CDH20: variants seen among roughly 807,000 people sequenced by gnomAD.
The protein encoded by CDH20 is cadherin 20, also known as cadherin-20.
Under a neutral mutation model 74.2 loss-of-function variants are expected in CDH20, and 29 were observed. That is an observed-to-expected ratio of 0.39 (90% CI 0.29 to 0.53). CDH20 has a LOEUF of 0.53. Among genes scored for constraint, CDH20 ranks in the 20% least tolerant of loss-of-function variants. The pLI is 0.69. For synonymous variants in CDH20, 469 were observed against 405.4 expected (o/e 1.16, Z -1.88); for missense variants, 988 against 1,048.3 (o/e 0.94, Z 0.79).
chr18:61,482,593 C>T (rs1910625564), intron 1 of CDH20, among the ~76,000 whole-genome samples: 1 of 152,164 alleles, frequency 6.6e-6, no homozygotes, highest in African/African-American at 2.4e-5. Flanking sequence ...TTTTTCTTTA[C>T]ACATATATGG....
intron 1 of CDH20, among the ~76,000 whole-genome samples, chr18:61,335,151 A>G (rs1387770226): frequency 6.6e-6 from 1 of 152,158 alleles, no homozygotes; most frequent in East Asian, 1.9e-4. Context: ...CTGGCTGGGG[A>G]ACCCTGAAGG....
chr18:61,336,054 G>A (rs1909748624), intron 1 of CDH20, among the ~76,000 whole-genome samples: 1 of 152,232 alleles, frequency 6.6e-6, no homozygotes, highest in Admixed American at 6.5e-5. Context: ...ACTGTAGTAA[G>A]TGCTGAGGGT....
At position 61,503,135 on chromosome 18, in the gene CDH20, C is replaced by G. The variant is rs1468437193; in HGVS notation, c.829+15C>G. ...CTTTCCCCAGAGTGAGTACCTAACCCAAGAGAGCACAGACCTCGGGCCCAG... is the reference window on the plus strand; with the variant it reads ...CTTTCCCCAGAGTGAGTACCTAACCGAAGAGAGCACAGACCTCGGGCCCAG... On this transcript the variant is annotated intron_variant, in intron 5 of 11. Coordinates refer to ENST00000262717, the MANE Select transcript of CDH20 (RefSeq NM_031891.4). The G allele has an allele frequency of 6.3e-7, 1 of 1,577,176 alleles. No homozygotes were observed. Among genetic ancestry groups the G allele is most frequent in the Non-Finnish European group, 8.6e-7 (1 of 1,162,230 alleles).
intron 1 of CDH20, among the ~76,000 whole-genome samples, chr18:61,474,817 C>T (rs566069910): frequency 4.0e-4 from 61 of 152,110 alleles, no homozygotes; most frequent in Middle Eastern, 3.4e-3. Flanking sequence ...AAGACAGGCC[C>T]GGGGATCAAT....
At chr18:61,405,055 T>A in intron 1 of CDH20, 1 of 683,922 alleles carries the variant, frequency 1.5e-6, no homozygotes, top group Non-Finnish European at 2.7e-6. Flanking sequence ...GTTGGACAGT[T>A]GTTACAGAGA....
At chr18:61,536,024 C>T (rs946329861) in intron 7 of CDH20, among the ~76,000 whole-genome samples, 2 of 152,152 alleles carry the variant, frequency 1.3e-5, no homozygotes, top group Non-Finnish European at 2.9e-5. Flanking sequence ...TGGTACAAGG[C>T]TTCTTTTCTC....
At chr18:61,486,308 A>G (rs186713795) in intron 1 of CDH20, among the ~76,000 whole-genome samples, 4 of 152,324 alleles carry the variant, frequency 2.6e-5, no homozygotes, top group Non-Finnish European at 4.4e-5. Flanking sequence ...TTGAAAGTTT[A>G]TTTAGAGGAG....
Position 61,471,236 on chromosome 18 carries a change from A to G in CDH20, c.-152-19166A>G, listed in dbSNP as rs536854853. 2.0e-5 allele frequency among the ~76,000 whole-genome samples: 3 copies of G among 152,340 alleles called. No homozygotes were observed. In the East Asian group the frequency reaches 5.8e-4, roughly 29 times the overall value. On this transcript the variant is annotated intron_variant, in intron 1 of 11. Coordinates refer to ENST00000262717, the MANE Select transcript of CDH20 (RefSeq NM_031891.4). ...ATAAGGTCACTTTAAATTCTAGGCCATAGCACATGTTGCTCTCTGCAGCCA... is the reference window on the plus strand; with the variant it reads ...ATAAGGTCACTTTAAATTCTAGGCCGTAGCACATGTTGCTCTCTGCAGCCA...
intron 1 of CDH20, among the ~76,000 whole-genome samples, chr18:61,463,917 G>A (rs1909868079): frequency 6.6e-6 from 1 of 152,084 alleles, no homozygotes; most frequent in Non-Finnish European, 1.5e-5. Context: ...GAAGGGCCCA[G>A]AAGTATCATT....
intron 1 of CDH20, among the ~76,000 whole-genome samples, chr18:61,468,071 T>C (rs1450213366): frequency 6.6e-6 from 1 of 152,182 alleles, no homozygotes; most frequent in Non-Finnish European, 1.5e-5. Flanking sequence ...ACCCAGGCAA[T>C]GCAGCCATAC....
intron 1 of CDH20, among the ~76,000 whole-genome samples, chr18:61,404,455 G>A (rs116676605): frequency 4.6e-5 from 7 of 152,210 alleles, no homozygotes; most frequent in Admixed American, 2.0e-4. Context: ...GTTTTCAGCC[G>A]ATTTCTTCAA....
At chr18:61,392,038 T>C (rs1343451606) in intron 1 of CDH20, among the ~76,000 whole-genome samples, 2 of 152,074 alleles carry the variant, frequency 1.3e-5, no homozygotes, top group Non-Finnish European at 2.9e-5. Context: ...CCGAATCTTT[T>C]GCCCCTCACT....
At chr18:61,468,608 T>A (rs1400337805) in intron 1 of CDH20, among the ~76,000 whole-genome samples, 2 of 152,212 alleles carry the variant, frequency 1.3e-5, no homozygotes, top group Admixed American at 6.5e-5. Context: ...TGTCTTCCAA[T>A]TTCAAGTCAC....
chr18:61,424,433 T>G lies in CDH20; in HGVS notation c.-152-65969T>G, dbSNP rs549594237. 5.3e-5 allele frequency among the ~76,000 whole-genome samples: 8 copies of G among 152,344 alleles called. No individual in the cohort carries two copies. In the East Asian group the frequency reaches 1.5e-3, roughly 29 times the overall value. ...GTGTCTCTCTGAGCATTGGAAAGTA[T>G]GGCAGTGTTAGCACTGATTATTATT... is the stretch of plus-strand genomic sequence containing the variant. On this transcript the variant is annotated intron_variant, in intron 1 of 11. Coordinates refer to ENST00000262717, the MANE Select transcript of CDH20 (RefSeq NM_031891.4).
intron 1 of CDH20, among the ~76,000 whole-genome samples, chr18:61,420,182 C>T (rs963103054): frequency 6.6e-6 from 1 of 152,142 alleles, no homozygotes; most frequent in Non-Finnish European, 1.5e-5. Context: ...CTTTTTAAAG[C>T]TGGCTACTGA....
chr18:61,451,640 G>A (rs750884080), intron 1 of CDH20, among the ~76,000 whole-genome samples: 4 of 151,870 alleles, frequency 2.6e-5, no homozygotes, highest in Non-Finnish European at 5.9e-5. Flanking sequence ...TTAACAATAA[G>A]CCACATATCA....
At chr18:61,511,183 G>T (rs773519054) in intron 6 of CDH20, among the ~76,000 whole-genome samples, 4 of 150,500 alleles carry the variant, frequency 2.7e-5, no homozygotes, top group Non-Finnish European at 5.9e-5. Flanking sequence ...TTGAGACAGG[G>T]TCTCTCTCTG....
intron 1 of CDH20, among the ~76,000 whole-genome samples, chr18:61,395,775 C>CTA (rs1425024258): frequency 1.3e-5 from 2 of 152,244 alleles, no homozygotes; most frequent in Admixed American, 6.5e-5. Flanking sequence ...TGGCTTATGC[C>CTA]TATAATCCCA....
chr18:61,554,143 C>A, intron 11 of CDH20, 47 bp from the exon 12 acceptor site: 1 of 1,572,210 alleles, frequency 6.4e-7, no homozygotes, highest in Non-Finnish European at 8.7e-7. Context: ...ACCGCACACA[C>A]AGCCACATCT....
Sources: gnomAD v4.1 joint callset for allele counts (sites outside exome capture counted in the v4.1 genomes callset) on GRCh38, gnomAD v4.1.1 for gene constraint, MANE v1.5 for transcripts, NCBI Gene and HGNC (gene_info 2026-07-23, HGNC 2026-07-21) for gene names.